MAP3K4: variants seen among roughly 807,000 people sequenced by gnomAD.
MAP3K4 encodes the protein mitogen-activated protein kinase kinase kinase 4.
MAP3K4 carries 67 observed loss-of-function variants against 185.6 expected under a neutral mutation model. That is an observed-to-expected ratio of 0.36 (90% CI 0.30 to 0.44). The LOEUF is 0.44. Ranked by LOEUF, MAP3K4 falls within the 20% of genes least tolerant of loss-of-function variation. MAP3K4 has a pLI of 1.00. For synonymous variants in MAP3K4, 702 were observed against 710.4 expected, an observed-to-expected ratio of 0.99 and a Z score of 0.19; for missense variants, 1,551 against 1,995.1, an observed-to-expected ratio of 0.78 and a Z score of 4.24.
chr6:161,002,431 G>T (rs1175341016), intron 1 of MAP3K4, among the ~76,000 whole-genome samples: 1 of 152,088 alleles, frequency 6.6e-6, no homozygotes. Flanking sequence ...GCTACTGCCT[G>T]AGAAAAGTGA....
chr6:161,039,336 G>C (rs944098980), intron 2 of MAP3K4, among the ~76,000 whole-genome samples: 2 of 142,630 alleles, frequency 1.4e-5, no homozygotes, highest in African/African-American at 5.3e-5. Flanking sequence ...TAAGGACTCA[G>C]AAAGGTAACT....
chr6:161,035,554 C>G (rs1783125669), intron 2 of MAP3K4, among the ~76,000 whole-genome samples: 1 of 152,176 alleles, frequency 6.6e-6, no homozygotes, highest in Non-Finnish European at 1.5e-5. Flanking sequence ...GTCTTTCCCA[C>G]AAATGATTTT....
At chr6:161,090,554 G>T (rs1462800650) in intron 11 of MAP3K4, among the ~76,000 whole-genome samples, 1 of 142,796 alleles carries the variant, frequency 7.0e-6, no homozygotes, top group African/African-American at 2.6e-5. Context: ...TAGAGCCAGG[G>T]CAGGGCTTCT....
chr6:161,108,123 G>A lies in MAP3K4; in HGVS notation c.4119+154G>A, dbSNP rs182012041. Reference sequence around the variant, plus strand: ...AGGACCAACCAGGCAGATGCACTGAGATAACACACACAGACAGTGAAGGGG... The same window carrying A: ...AGGACCAACCAGGCAGATGCACTGAAATAACACACACAGACAGTGAAGGGG... On this transcript the variant is annotated intron_variant, in intron 21 of 26. Coordinates refer to ENST00000392142, the MANE Select transcript of MAP3K4 (RefSeq NM_005922.4). The surrounding 1 kb of genome is among the most constrained non-coding windows in gnomAD (Gnocchi z 5.7). Among the ~76,000 whole-genome samples the A allele has an allele frequency of 6.6e-6, 1 of 152,350 alleles. No individual in the cohort carries two copies. Among genetic ancestry groups the A allele is most frequent in the Admixed American group, 6.5e-5 (1 of 15,300 alleles).
chr6:161,094,661 C>G (rs549575839), intron 15 of MAP3K4, among the ~76,000 whole-genome samples: 1 of 152,182 alleles, frequency 6.6e-6, no homozygotes, highest in South Asian at 2.1e-4. Context: ...ATATAGGGTA[C>G]TTGCTGGCTG....
intron 1 of MAP3K4, among the ~76,000 whole-genome samples, chr6:161,021,500 G>A (rs939138130): frequency 1.3e-5 from 2 of 152,070 alleles, no homozygotes; most frequent in African/African-American, 2.4e-5. Flanking sequence ...CAATTTCTTC[G>A]GAACTTTTAT....
Position 161,048,016 on chromosome 6 carries a change from G to T in MAP3K4, c.344-600G>T, listed in dbSNP as rs1648866668. On this transcript the variant is annotated intron_variant, in intron 2 of 26. Coordinates refer to ENST00000392142, the MANE Select transcript of MAP3K4 (RefSeq NM_005922.4). This position sits in a 1 kb window ranked among gnomAD's most constrained non-coding sequence, Gnocchi z 4.7. ...TTAAAATGTTATTGCCCACTTGTTT[G>T]TGGCAAAGGAGAAATAAAGGAATAG... 6.6e-6 allele frequency among the ~76,000 whole-genome samples: 1 copy of T among 152,134 alleles called. No individual in the cohort carries two copies. Among genetic ancestry groups the T allele is most frequent in the Non-Finnish European group, 1.5e-5 (1 of 68,002 alleles).
At chr6:160,995,969 G>C (rs1780970771) in intron 1 of MAP3K4, among the ~76,000 whole-genome samples, 1 of 152,046 alleles carries the variant, frequency 6.6e-6, no homozygotes, top group African/African-American at 2.4e-5. Context: ...TTTAAAAAAT[G>C]AATTATTTAC....
chr6:161,050,473 C>G (rs191111766), intron 3 of MAP3K4, among the ~76,000 whole-genome samples: 15 of 152,258 alleles, frequency 9.9e-5, no homozygotes, highest in African/African-American at 3.6e-4. Context: ...AGAGAAATGT[C>G]AGAATGATCA....
At chr6:161,095,930 T>C (rs1777547429) in intron 15 of MAP3K4, among the ~76,000 whole-genome samples, 1 of 152,380 alleles carries the variant, frequency 6.6e-6, no homozygotes, top group Middle Eastern at 3.4e-3. Context: ...AGAATGTCTT[T>C]ATTTGTAGGA....
intron 1 of MAP3K4, among the ~76,000 whole-genome samples, chr6:161,032,160 G>A (rs762656909): frequency 3.3e-5 from 5 of 152,192 alleles, no homozygotes; most frequent in Non-Finnish European, 7.3e-5. Context: ...AGTATATTAA[G>A]TGTGGAAATT....
rs771958766 is a variant in MAP3K4, at chr6:161,049,786, G to C, written c.1514G>C (p.Gly505Ala). The part of the protein sequence containing the change: ...ERLESEDDSL[G>A]WGAPDWSTEA... ...CTCGAATCTGAGGATGATTCTCTTG[G>C]CTGGGGAGCACCAGACTGGAGCACA... The change falls in exon 3 of 27, where the codon GGC (glycine) becomes GCC (alanine). Residue 505 changes from glycine (G) to alanine (A), a missense_variant. Gly to Ala is a moderately conservative substitution (Grantham distance 60). Around this residue, in one of 16 missense-constraint regions of MAP3K4, gnomAD observed 126 missense variants for 112.8 expected, o/e 1.12. Coordinates refer to ENST00000392142, the MANE Select transcript of MAP3K4 (RefSeq NM_005922.4). This position sits in a 1 kb window ranked among gnomAD's most constrained non-coding sequence, Gnocchi z 8.4. The C allele has an allele frequency of 5.6e-6, 9 of 1,614,010 alleles. No homozygotes were observed. In the Admixed American group the frequency reaches 1.0e-4, roughly 18 times the overall value.
rs75325226 is a variant in MAP3K4 at position 161,107,537 on chromosome 6, G to A, written c.4049-362G>A. ...GAAGACAATGGTCAGGCTTAGTCCTGGCTGTTTTCTGCTGCTCCCAGCCCC... is the reference window on the plus strand; with the variant it reads ...GAAGACAATGGTCAGGCTTAGTCCTAGCTGTTTTCTGCTGCTCCCAGCCCC... On this transcript the variant is annotated intron_variant, in intron 20 of 26. Transcript: ENST00000392142. The surrounding 1 kb of genome is among the most constrained non-coding windows in gnomAD (Gnocchi z 6.2). 0.023 allele frequency among the ~76,000 whole-genome samples: 3,430 copies of A among 152,272 alleles called. 141 individuals are homozygous for A. The highest frequency in any genetic ancestry group is 0.079 in the African/African-American group (3,289 of 41,538).
chr6:161,111,849 C>T lies in MAP3K4; in HGVS notation c.4410C>T (p.Phe1470=). The change falls in exon 24 of 27, where the codon TTC becomes TTT. Residue 1470 remains phenylalanine (F), a synonymous_variant. Transcript: ENST00000392142. ...VHRDIKGANI[F]LTSSGLIKLG... ...TTTTCTTTTTAGGTGCCAATATCTT[C>T]CTTACCTCATCTGGATTAATCAAAC... 3 of 1,613,654 alleles carry T rather than the reference C, an allele frequency of 1.9e-6. No individual in the cohort carries two copies. The highest frequency in any genetic ancestry group is 2.5e-6 in the Non-Finnish European group (3 of 1,179,714).
chr6:161,024,051 C>T lies in MAP3K4; in HGVS notation c.153-10208C>T, dbSNP rs533101709. Among the ~76,000 whole-genome samples, 8 of 152,208 alleles carry T rather than the reference C, an allele frequency of 5.3e-5. No homozygotes were observed. In the South Asian group the frequency reaches 1.2e-3, roughly 24 times the overall value. Reference sequence around the variant, plus strand: ...GTGTGATCATGGCTCACTGCAGCCTCGAAATTTTGGGTTCAAGCGATTCTC... The same window carrying T: ...GTGTGATCATGGCTCACTGCAGCCTTGAAATTTTGGGTTCAAGCGATTCTC... On this transcript the variant is annotated intron_variant, in intron 1 of 26. Coordinates refer to ENST00000392142, the MANE Select transcript of MAP3K4 (RefSeq NM_005922.4).
intron 3 of MAP3K4, among the ~76,000 whole-genome samples, chr6:161,062,158 A>AT (rs1381262784): frequency 2.0e-5 from 3 of 152,076 alleles, no homozygotes; most frequent in Non-Finnish European, 2.9e-5. Context: ...CCCCTCTTCA[A>AT]TTTTTTAATC....
Position 161,086,682 on chromosome 6 carries a change from T to C in MAP3K4, c.2556+15T>C, listed in dbSNP as rs528829558. On this transcript the variant is annotated intron_variant, in intron 9 of 26. Coordinates refer to ENST00000392142, the MANE Select transcript of MAP3K4 (RefSeq NM_005922.4). This position sits in a 1 kb window ranked among gnomAD's most constrained non-coding sequence, Gnocchi z 4.8. The stretch of plus-strand genomic sequence containing the variant: ...AGTATGTCAAGGTAAGTACTTCAAA[T>C]GTTGTGATTGAAACATTTTGCCTTT... 5.0e-6 allele frequency: 8 copies of C among 1,595,684 alleles called. No individual in the cohort carries two copies. The South Asian group carries it at 6.9e-5, about 14-fold the overall frequency.
intron 1 of MAP3K4, among the ~76,000 whole-genome samples, chr6:161,015,761 T>C (rs1245803879): frequency 6.6e-6 from 1 of 152,100 alleles, no homozygotes; most frequent in African/African-American, 2.4e-5. Context: ...CTAGCACTCA[T>C]AGAGAGAATT....
intron 2 of MAP3K4, among the ~76,000 whole-genome samples, chr6:161,035,442 G>C (rs1431922449): frequency 6.6e-6 from 1 of 152,088 alleles, no homozygotes; most frequent in Non-Finnish European, 1.5e-5. Context: ...ATTCCCATCA[G>C]AGCCCTTCCT....
Sources: allele counts gnomAD v4.1 joint callset (sites outside exome capture counted in the v4.1 genomes callset), GRCh38; gene constraint gnomAD v4.1.1; regional missense constraint gnomAD v4.1.1; non-coding constraint Gnocchi (gnomAD v3.1); transcripts MANE v1.5; gene names NCBI Gene and HGNC (gene_info 2026-07-23, HGNC 2026-07-21).